The following ERP44 variants were observed in gnomAD, a reference collection of about 807,000 sequenced individuals.
ERP44 encodes the protein endoplasmic reticulum protein 44.
Under a neutral mutation model 53.4 loss-of-function variants are expected in ERP44, and 25 were observed. The ratio of observed to expected loss-of-function variants is 0.47; its 90% CI spans 0.34 to 0.65. ERP44 has a LOEUF of 0.65. ERP44 is among the 30% of genes least tolerant of loss of function. The probability of loss-of-function intolerance (pLI) is 0.01; values close to 1 mark genes in which losing one functional copy is unlikely to be tolerated. For missense variants in ERP44, 338 were observed against 493.2 expected, an observed-to-expected ratio of 0.69 and a Z score of 2.98; for synonymous variants, 145 against 161.2, an observed-to-expected ratio of 0.90 and a Z score of 0.76.
rs192621064 is a variant in ERP44 at position 100,015,493 on chromosome 9, C to T, written c.762+829G>A. On this transcript the variant is annotated intron_variant, in intron 8 of 11. Coordinates refer to ENST00000262455, the MANE Select transcript of ERP44 (RefSeq NM_015051.3). ...ATTTTGGTGGGAGTTGTAAGAATTT[C>T]GATGGGCTTGATTTCAGATGCATGG... is the stretch of plus-strand genomic sequence containing the variant. 2.2e-4 allele frequency among the ~76,000 whole-genome samples: 34 copies of T among 152,264 alleles called. 1 individual carries two copies. In the East Asian group the frequency reaches 3.9e-3, roughly 17 times the overall value.
rs534127146 is a variant in ERP44, at chr9:100,031,521, C to T, written c.287-9295G>A. The stretch of plus-strand genomic sequence containing the variant: ...GAATAAGTCCTTTCTGGTTTGATAT[C>T]TGTAAGACCTTTATCATTTGTTGAC... On this transcript the variant is annotated intron_variant, in intron 4 of 11. Coordinates refer to ENST00000262455, the MANE Select transcript of ERP44 (RefSeq NM_015051.3). Among the ~76,000 whole-genome samples the T allele has an allele frequency of 4.6e-5, 7 of 152,268 alleles. No individual in the cohort carries two copies. The South Asian group carries it at 1.2e-3, about 27-fold the overall frequency.
At chr9:100,072,317 G>C (rs1047086581) in intron 1 of ERP44, among the ~76,000 whole-genome samples, 3 of 152,112 alleles carry the variant, frequency 2.0e-5, no homozygotes, top group African/African-American at 7.2e-5. Context: ...TATCTCCTTT[G>C]CTCATGTCTG....
At chr9:99,997,745 A>G (rs1830328067) in intron 10 of ERP44, among the ~76,000 whole-genome samples, 1 of 152,180 alleles carries the variant, frequency 6.6e-6, no homozygotes, top group Non-Finnish European at 1.5e-5. Flanking sequence ...AGTTGAAGCT[A>G]TTGGGTTTTA....
chr9:100,047,806 C>A (rs1005185570), intron 4 of ERP44, among the ~76,000 whole-genome samples: 2 of 152,068 alleles, frequency 1.3e-5, no homozygotes, highest in Non-Finnish European at 2.9e-5. Context: ...ACCTATAGAA[C>A]AGGAGAATTT....
intron 10 of ERP44, among the ~76,000 whole-genome samples, chr9:99,987,632 G>A (rs1382401657): frequency 6.6e-6 from 1 of 152,176 alleles, no homozygotes; most frequent in African/African-American, 2.4e-5. Context: ...TTTGCTACCA[G>A]CTTCTCAAAT....
At chr9:100,052,356 G>T in intron 4 of ERP44, 61 bp downstream of exon 4, 2 of 714,260 alleles carry the variant, frequency 2.8e-6, no homozygotes, top group Non-Finnish European at 2.2e-6. Flanking sequence ...GAAAAAATGT[G>T]TATGTGTGCC....
chr9:100,085,383 T>C (rs975095377), intron 1 of ERP44, among the ~76,000 whole-genome samples: 1 of 152,226 alleles, frequency 6.6e-6, no homozygotes, highest in East Asian at 1.9e-4. Context: ...TTACAGTATC[T>C]AAACTTAAAT....
intron 1 of ERP44, among the ~76,000 whole-genome samples, chr9:100,075,096 T>C (rs1432930809): frequency 6.6e-6 from 1 of 152,242 alleles, no homozygotes; most frequent in African/African-American, 2.4e-5. Flanking sequence ...CAGAGATTAG[T>C]GTCACCATCA....
intron 1 of ERP44, among the ~76,000 whole-genome samples, chr9:100,068,575 T>G (rs1256970132): frequency 1.0e-5 from 1 of 99,984 alleles, no homozygotes; most frequent in African/African-American, 3.9e-5. Flanking sequence ...GGTGGGGGGG[T>G]CAGCCCCCAG....
chr9:100,063,458 G>GC (rs1554709821), intron 1 of ERP44, among the ~76,000 whole-genome samples: 1 of 151,734 alleles, frequency 6.6e-6, no homozygotes, highest in Admixed American at 6.6e-5. Flanking sequence ...CGGACAAATT[G>GC]TTTTTTTTCC....
intron 1 of ERP44, among the ~76,000 whole-genome samples, chr9:100,064,844 T>C (rs1215141755): frequency 2.0e-5 from 3 of 152,152 alleles, no homozygotes. Context: ...AATATTTTAA[T>C]AAAACAAGCA....
intron 10 of ERP44, among the ~76,000 whole-genome samples, chr9:100,001,589 C>T (rs1038181044): frequency 6.6e-6 from 1 of 152,000 alleles, no homozygotes; most frequent in African/African-American, 2.4e-5. Flanking sequence ...TACATAATGA[C>T]CTTGCTTTAC....
intron 10 of ERP44, chr9:99,998,581 C>T: frequency 1.4e-6 from 1 of 737,040 alleles, no homozygotes; most frequent in South Asian, 1.4e-5. Flanking sequence ...GAGCTCTGTG[C>T]CTCCTGCCGT....
intron 8 of ERP44, among the ~76,000 whole-genome samples, chr9:100,010,436 C>G (rs1830464250): frequency 6.6e-6 from 1 of 152,156 alleles, no homozygotes; most frequent in African/African-American, 2.4e-5. Context: ...CAGGTCTATA[C>G]CTTTAAATCT....
intron 8 of ERP44, among the ~76,000 whole-genome samples, chr9:100,012,494 T>C (rs1830484891): frequency 6.6e-6 from 1 of 152,082 alleles, no homozygotes; most frequent in African/African-American, 2.4e-5. Flanking sequence ...AAAGAGCCAA[T>C]GTAAGATGAT....
At chr9:100,033,028 C>T (rs1032573328) in intron 4 of ERP44, among the ~76,000 whole-genome samples, 9 of 152,190 alleles carry the variant, frequency 5.9e-5, no homozygotes, top group African/African-American at 1.9e-4. Context: ...GAGCTATTAA[C>T]AGCTTTTAAT....
At chr9:100,031,081 T>C (rs1036427228) in intron 4 of ERP44, among the ~76,000 whole-genome samples, 2 of 152,100 alleles carry the variant, frequency 1.3e-5, no homozygotes, top group Non-Finnish European at 2.9e-5. Flanking sequence ...CATTGCTCTG[T>C]CATAAAGAAG....
chr9:100,014,960 T>C (rs1396359157), intron 8 of ERP44, among the ~76,000 whole-genome samples: 1 of 152,212 alleles, frequency 6.6e-6, no homozygotes, highest in Non-Finnish European at 1.5e-5. Context: ...TAGTGAGAGC[T>C]GTCTTCTAGG....
At chr9:99,999,082 C>A in intron 10 of ERP44, 1 of 697,442 alleles carries the variant, frequency 1.4e-6, no homozygotes, top group Non-Finnish European at 2.6e-6. Context: ...AGGGAGCGCA[C>A]GGCCGTTCCC....
Sources: allele counts gnomAD v4.1 joint callset (sites outside exome capture counted in the v4.1 genomes callset), GRCh38; gene constraint gnomAD v4.1.1; transcripts MANE v1.5; gene names NCBI Gene and HGNC (gene_info 2026-07-23, HGNC 2026-07-21).